ATRN: variants seen among roughly 807,000 people sequenced by gnomAD.
The protein encoded by ATRN is attractin-2.
In ATRN, 54 loss-of-function variants were observed where a neutral mutation model predicts 178.7. The observed-to-expected ratio is 0.30, with a 90% CI of 0.24 to 0.38. The LOEUF (loss-of-function observed/expected upper bound fraction) is 0.38. Among genes scored for constraint, ATRN ranks in the 10% least tolerant of loss-of-function variants. The pLI is 1.00. For missense variants in ATRN, 1,443 were observed against 1,815.1 expected (o/e 0.79, Z 3.73); for synonymous variants, 636 against 663.0 (o/e 0.96, Z 0.63).
Position 3,644,223 on chromosome 20 carries a change from A to C in ATRN, c.4120A>C (p.Arg1374=), listed in dbSNP as rs2146328421. 6.2e-7 allele frequency: 1 copy of C among 1,614,146 alleles called. No homozygotes were observed. The highest frequency in any genetic ancestry group is 8.5e-7 in the Non-Finnish European group (1 of 1,180,010). The part of the protein sequence containing the change: ...NKAAVLSVFV[R]LPRGLGGIPP... ...AGCCGCTGTCCTCTCTGTGTTTGTG[A>C]GGCTCCCTCGAGGCCTGGGTGGCAT... The change falls in exon 28 of 29, where the codon AGG becomes CGG. Residue 1374 remains arginine (R), a synonymous_variant. Transcript: ENST00000262919.
Position 3,547,497 on chromosome 20 carries a change from C to CTTCTTTCATTTTTATTTTTTCTTCCA in ATRN, c.943+11_943+36dup. 6.3e-7 allele frequency: 1 copy of CTTCTTTCATTTTTATTTTTTCTTCCA among 1,595,996 alleles called. No homozygotes were observed. The highest frequency in any genetic ancestry group is 8.5e-7 in the Non-Finnish European group (1 of 1,170,038). ...GCTTCTCAGACTGGCAGGGTAGGAG[C>CTTCTTTCATTTTTATTTTTTCTTCCA]TTCTTTCATTTTTATTTTTTCTTCC... On this transcript the variant is annotated intron_variant, in intron 5 of 28. Transcript: ENST00000262919.
chr20:3,486,863 T>C (rs759156412), intron 1 of ATRN, among the ~76,000 whole-genome samples: 3 of 152,230 alleles, frequency 2.0e-5, no homozygotes, highest in Admixed American at 6.5e-5. Context: ...AAGTCTGTTA[T>C]CATTTCTGGG....
At chr20:3,575,345 T>G (rs2086194367) in intron 12 of ATRN, among the ~76,000 whole-genome samples, 1 of 152,202 alleles carries the variant, frequency 6.6e-6, no homozygotes, top group South Asian at 2.1e-4. Flanking sequence ...ACTCTTGAAT[T>G]TACACGCATG....
At chr20:3,588,034 A>G (rs2086382452) in intron 18 of ATRN, among the ~76,000 whole-genome samples, 1 of 152,018 alleles carries the variant, frequency 6.6e-6, no homozygotes, top group Non-Finnish European at 1.5e-5. Context: ...TTTTTTAGAG[A>G]CAGGGTTTCG....
chr20:3,610,599 G>A (rs944366442), intron 24 of ATRN, among the ~76,000 whole-genome samples: 9 of 144,822 alleles, frequency 6.2e-5, no homozygotes, highest in African/African-American at 2.3e-4. Flanking sequence ...TTGAGACAGG[G>A]TCTCACTTTG....
At chr20:3,541,278 C>T (rs1265103567) in intron 3 of ATRN, among the ~76,000 whole-genome samples, 4 of 151,706 alleles carry the variant, frequency 2.6e-5, no homozygotes, top group African/African-American at 7.3e-5. Flanking sequence ...GGGGTTTCAC[C>T]GTGTTAGCCA....
chr20:3,545,351 C>T (rs1264898817), intron 3 of ATRN, among the ~76,000 whole-genome samples: 4 of 138,258 alleles, frequency 2.9e-5, no homozygotes, highest in Non-Finnish European at 6.1e-5. Flanking sequence ...GCAACAAGAG[C>T]GAAACTCTGT....
intron 12 of ATRN, among the ~76,000 whole-genome samples, chr20:3,574,308 C>CTT (rs2086173177): frequency 6.6e-6 from 1 of 152,120 alleles, no homozygotes. Context: ...GCCCAGGAGT[C>CTT]TAAGACTAGC....
chr20:3,578,992 T>C (rs2086247198), intron 15 of ATRN, among the ~76,000 whole-genome samples: 1 of 152,134 alleles, frequency 6.6e-6, no homozygotes, highest in Admixed American at 6.5e-5. Flanking sequence ...TGAATAATTA[T>C]ATGGGGGATG....
At chr20:3,613,501 G>A (rs1238029629) in intron 24 of ATRN, among the ~76,000 whole-genome samples, 1 of 152,196 alleles carries the variant, frequency 6.6e-6, no homozygotes, top group Admixed American at 6.5e-5. Context: ...TTTTCTAGGT[G>A]TGTAGCATGG....
intron 22 of ATRN, among the ~76,000 whole-genome samples, chr20:3,598,493 A>G (rs769430424): frequency 3.9e-5 from 6 of 152,238 alleles, no homozygotes; most frequent in Admixed American, 1.3e-4. Flanking sequence ...TCTTAGCCTC[A>G]TTAGGAGGCA....
intron 1 of ATRN, among the ~76,000 whole-genome samples, chr20:3,528,849 G>A (rs932890671): frequency 1.3e-5 from 2 of 152,110 alleles, no homozygotes; most frequent in East Asian, 3.9e-4. Flanking sequence ...TTCTCCCTCT[G>A]TCATCCAAGC....
rs2084774697 is a variant in ATRN at position 3,490,523 on chromosome 20, T to C, written c.410+19006T>C. 19 of 1,192,396 alleles carry C rather than the reference T, an allele frequency of 1.6e-5. No homozygotes were observed. The Admixed American group carries it at 3.2e-4, about 20-fold the overall frequency. The allele number at this position is 1,192,396 out of a possible 1,614,324, so 73.9% of individuals were successfully genotyped here. A position where few individuals can be genotyped will look rare whatever the true frequency, so the allele number is the denominator to read the frequency against. On this transcript the variant is annotated intron_variant, in intron 1 of 28. Coordinates refer to ENST00000262919, the MANE Select transcript of ATRN (RefSeq NM_139321.3). ...GGAATGTCAAATAATTGGTCAGAGA[T>C]GGACAGGTATGTGATATAATCCAGC...
At chr20:3,634,472 T>G in intron 26 of ATRN, 83 bp downstream of exon 26, 1 of 1,241,572 alleles carries the variant, frequency 8.1e-7, no homozygotes, top group Non-Finnish European at 1.2e-6. Context: ...GGGTTTTAGC[T>G]ATTTAGTGAT....
At chr20:3,618,637 G>T (rs190162574) in intron 24 of ATRN, among the ~76,000 whole-genome samples, 1 of 152,346 alleles carries the variant, frequency 6.6e-6, no homozygotes, top group South Asian at 2.1e-4. Flanking sequence ...CAGATGGTGA[G>T]TGTTCGTTTG....
chr20:3,495,934 G>A (rs1568687530), intron 1 of ATRN, among the ~76,000 whole-genome samples: 1 of 152,028 alleles, frequency 6.6e-6, no homozygotes, highest in Admixed American at 6.6e-5. Flanking sequence ...GAGAGAGAGA[G>A]AATGGGGTGG....
intron 21 of ATRN, among the ~76,000 whole-genome samples, chr20:3,596,785 A>G (rs2086535598): frequency 6.6e-6 from 1 of 152,106 alleles, no homozygotes; most frequent in Non-Finnish European, 1.5e-5. Flanking sequence ...CAAAAACAGA[A>G]TTCTTACAAT....
At chr20:3,491,098 A>C in intron 1 of ATRN, 1 of 653,806 alleles carries the variant, frequency 1.5e-6, no homozygotes, top group Admixed American at 2.6e-5. Context: ...ACCTTTCCTA[A>C]AGTATTTTAT....
In ATRN at chr20:3,604,089, GT is replaced by G; in HGVS notation, c.3644-11del. 1 of 1,563,758 alleles carries G rather than the reference GT, an allele frequency of 6.4e-7. No individual in the cohort carries two copies. Among genetic ancestry groups the G allele is most frequent in the Admixed American group, 2.1e-5 (1 of 47,624 alleles). On this transcript the variant is annotated splice_polypyrimidine_tract_variant and intron_variant, in intron 23 of 28. Coordinates refer to ENST00000262919, the MANE Select transcript of ATRN (RefSeq NM_139321.3). ...CCAAAAAATGTCTCTTCTCTTTCAT[GT>G]TTTTCTTTTAACAGCTGGAACCCAG...
Sources: gnomAD v4.1 joint callset for allele counts (sites outside exome capture counted in the v4.1 genomes callset) on GRCh38, gnomAD v4.1.1 for gene constraint, MANE v1.5 for transcripts, NCBI Gene and HGNC (gene_info 2026-07-23, HGNC 2026-07-21) for gene names.